Variants in KIAA0232 observed in about 807,000 individuals in gnomAD.
KIAA0232 encodes the protein KIAA0232, also known as uncharacterized protein KIAA0232.
KIAA0232 carries 27 observed loss-of-function variants against 122.0 expected under a neutral mutation model. The observed-to-expected ratio is 0.22, with a 90% CI of 0.16 to 0.31. The LOEUF (loss-of-function observed/expected upper bound fraction) is 0.31, where lower values mean the gene tolerates loss of function less well. KIAA0232 is among the 10% of genes least tolerant of loss of function. The probability of loss-of-function intolerance (pLI) is 1.00; values close to 1 mark genes in which losing one functional copy is unlikely to be tolerated. For synonymous variants in KIAA0232, 613 were observed against 587.6 expected (o/e 1.04, Z -0.63); for missense variants, 1,551 against 1,634.2 (o/e 0.95, Z 0.88).
chr4:6,877,193 T>C (rs1721802066), intron 9 of KIAA0232, among the ~76,000 whole-genome samples: 1 of 152,214 alleles, frequency 6.6e-6, no homozygotes. Context: ...TGTCCCGGCT[T>C]CTGCAGAACG....
At chr4:6,856,846 A>C (rs915627726) in intron 4 of KIAA0232, among the ~76,000 whole-genome samples, 1 of 152,196 alleles carries the variant, frequency 6.6e-6, no homozygotes, top group Non-Finnish European at 1.5e-5. Flanking sequence ...TATGATGGAC[A>C]TTTAGGCCCT....
chr4:6,861,514 C>A lies in KIAA0232; in HGVS notation c.1132C>A (p.Pro378Thr). The A allele has an allele frequency of 6.2e-7, 1 of 1,613,964 alleles. No homozygotes were observed. The highest frequency in any genetic ancestry group is 8.5e-7 in the Non-Finnish European group (1 of 1,180,004). Residue 378 changes from proline (P) to threonine (T), a missense_variant, in exon 7 of 10, where the codon CCT (proline) becomes ACT (threonine). Pro to Thr is a conservative substitution (Grantham distance 38, BLOSUM62 -1). This residue lies in a region of KIAA0232 where 377 missense variants were observed against 381.7 expected (regional missense o/e 0.99). Coordinates refer to ENST00000307659, the MANE Select transcript of KIAA0232 (RefSeq NM_014743.3). ...RPLKEIGRKD[P>T]GSTEGKDLYM... ...TTTAAAAGAAATAGGGAGAAAAGAT[C>A]CTGGGAGCACTGAAGGAAAAGACCT...
intron 1 of KIAA0232, among the ~76,000 whole-genome samples, chr4:6,784,479 G>A (rs1007597548): frequency 6.6e-6 from 1 of 152,124 alleles, no homozygotes; most frequent in Admixed American, 6.5e-5. Context: ...CATCCTCAAG[G>A]TCAAATATTC....
intron 4 of KIAA0232, among the ~76,000 whole-genome samples, chr4:6,844,426 T>C (rs1257582753): frequency 6.6e-6 from 1 of 152,002 alleles, no homozygotes; most frequent in East Asian, 1.9e-4. Context: ...TCTTAATTTC[T>C]TTTTCTTTTT....
At chr4:6,849,601 G>A (rs768099041) in intron 4 of KIAA0232, among the ~76,000 whole-genome samples, 3 of 152,088 alleles carry the variant, frequency 2.0e-5, no homozygotes, top group African/African-American at 4.8e-5. Flanking sequence ...GGGCAACAGA[G>A]CAAGACTCCA....
intron 3 of KIAA0232, among the ~76,000 whole-genome samples, chr4:6,825,187 T>A (rs1428667560): frequency 1.3e-5 from 2 of 152,246 alleles, no homozygotes; most frequent in African/African-American, 4.8e-5. Flanking sequence ...ACAATTTTGC[T>A]ATAAGTCAGG....
chr4:6,862,176 C>A lies in KIAA0232; in HGVS notation c.1794C>A (p.Ser598=). The change falls in exon 7 of 10, where the codon TCC becomes TCA. Residue 598 remains serine (S), a synonymous_variant. Transcript: ENST00000307659. ...TTTGGGAGTGCTGTTCATCCAGCTC[C>A]GGTGATGCTGATGGGGAGAGTTTTG... is the stretch of plus-strand genomic sequence containing the variant. ...AQFWECCSSS[S]GDADGESFGG... is the part of the protein sequence containing the mutation. 6.2e-7 allele frequency: 1 copy of A among 1,614,096 alleles called. No individual in the cohort carries two copies. Among genetic ancestry groups the A allele is most frequent in the Non-Finnish European group, 8.5e-7 (1 of 1,180,024 alleles).
intron 1 of KIAA0232, among the ~76,000 whole-genome samples, chr4:6,797,435 G>A (rs115112443): frequency 0.034 from 5,149 of 152,258 alleles, 140 homozygotes; most frequent in South Asian, 0.066. Flanking sequence ...GATATGATAT[G>A]CTAAATGCAG....
intron 1 of KIAA0232, among the ~76,000 whole-genome samples, chr4:6,797,919 A>G (rs1456078237): frequency 2.6e-5 from 4 of 151,714 alleles, no homozygotes; most frequent in Non-Finnish European, 5.9e-5. Context: ...ATAGCCGGGC[A>G]CAGTGGCGGG....
At chr4:6,788,837 A>G (rs1327587997) in intron 1 of KIAA0232, among the ~76,000 whole-genome samples, 3 of 152,234 alleles carry the variant, frequency 2.0e-5, no homozygotes, top group African/African-American at 4.8e-5. Context: ...GCTTTTAGCT[A>G]TTAATTTGAA....
At chr4:6,811,921 G>T (rs983180464) in intron 2 of KIAA0232, among the ~76,000 whole-genome samples, 1 of 151,764 alleles carries the variant, frequency 6.6e-6, no homozygotes, top group Admixed American at 6.6e-5. Context: ...ATAGGCTTTA[G>T]TTGTTCTTGT....
intron 6 of KIAA0232, among the ~76,000 whole-genome samples, chr4:6,859,819 G>T (rs1720761623): frequency 6.6e-6 from 1 of 152,162 alleles, no homozygotes; most frequent in Non-Finnish European, 1.5e-5. Flanking sequence ...TTTGCAATCT[G>T]TTCTGCTCTG....
intron 3 of KIAA0232, among the ~76,000 whole-genome samples, chr4:6,829,548 A>AG (rs1718862166): frequency 6.6e-6 from 1 of 152,236 alleles, no homozygotes; most frequent in Non-Finnish European, 1.5e-5. Flanking sequence ...TGTAAGATGC[A>AG]GCACCAGCCA....
At chr4:6,841,354 T>C (rs1448215885) in intron 3 of KIAA0232, among the ~76,000 whole-genome samples, 1 of 152,244 alleles carries the variant, frequency 6.6e-6, no homozygotes, top group Admixed American at 6.5e-5. Context: ...AGCAAGGCGC[T>C]TTCATTAACT....
intron 4 of KIAA0232, among the ~76,000 whole-genome samples, chr4:6,848,823 GCT>G (rs1720115095): frequency 1.3e-5 from 2 of 152,298 alleles, no homozygotes; most frequent in South Asian, 4.1e-4. Context: ...GTGATGCTGT[GCT>G]CTCTCTACAG....
chr4:6,836,859 T>G (rs980717203), intron 3 of KIAA0232, among the ~76,000 whole-genome samples: 1 of 152,120 alleles, frequency 6.6e-6, no homozygotes, highest in South Asian at 2.1e-4. Flanking sequence ...GAGCACGGGG[T>G]TGGGGGCAAG....
chr4:6,792,072 G>A (rs940550665), intron 1 of KIAA0232, among the ~76,000 whole-genome samples: 6 of 152,110 alleles, frequency 3.9e-5, no homozygotes, highest in Admixed American at 6.5e-5. Context: ...TGATTGTGAG[G>A]CCTCTGCAGC....
intron 8 of KIAA0232, among the ~76,000 whole-genome samples, chr4:6,873,988 G>A (rs1462200346): frequency 6.6e-6 from 1 of 152,144 alleles, no homozygotes; most frequent in African/African-American, 2.4e-5. Context: ...AGCAGTTGCT[G>A]CTCTGAGCCA....
At chr4:6,838,348 C>T (rs573960759) in intron 3 of KIAA0232, among the ~76,000 whole-genome samples, 1 of 151,988 alleles carries the variant, frequency 6.6e-6, no homozygotes, top group Admixed American at 6.6e-5. Context: ...ACCACCATGC[C>T]CGGCTAATTT....
Sources: gnomAD v4.1 joint callset for allele counts (sites outside exome capture counted in the v4.1 genomes callset) on GRCh38, gnomAD v4.1.1 for gene constraint, gnomAD v4.1.1 regional missense constraint, MANE v1.5 for transcripts, NCBI Gene and HGNC (gene_info 2026-07-23, HGNC 2026-07-21) for gene names.